Variants in INVS observed in about 807,000 individuals in gnomAD.
INVS encodes inversin.
Under a neutral mutation model 108.8 loss-of-function variants are expected in INVS, and 86 were observed. The observed-to-expected ratio is 0.79, with a 90% CI of 0.66 to 0.95. The LOEUF is 0.95. Among genes scored for constraint, INVS ranks in the 40% least tolerant of loss-of-function variants. The pLI is 0.00. For synonymous variants in INVS, 455 were observed against 473.5 expected (o/e 0.96, Z 0.51); for missense variants, 1,169 against 1,297.4 (o/e 0.90, Z 1.52).
chr9:100,292,861 C>T lies in INVS; in HGVS notation c.2604C>T (p.Ser868=), dbSNP rs751765105. The part of the protein sequence containing the change: ...GARRLETSTL[S]EDFQVSKETD... ...GGAGGCTGGAGACATCTACCCTGTC[C>T]GAGGACTTTCAGGTATCTAAGGAGA... The change falls in exon 14 of 17, where the codon TCC becomes TCT. Residue 868 remains serine, a synonymous_variant. Coordinates refer to ENST00000262457, the MANE Select transcript of INVS (RefSeq NM_014425.5). 68 of 1,614,022 alleles carry T rather than the reference C, an allele frequency of 4.2e-5. 1 individual carries two copies. The Admixed American group carries it at 9.2e-4, about 22-fold the overall frequency.
At chr9:100,251,611 G>T (rs1207632738) in intron 8 of INVS, among the ~76,000 whole-genome samples, 1 of 152,068 alleles carries the variant, frequency 6.6e-6, no homozygotes, top group Non-Finnish European at 1.5e-5. Flanking sequence ...TCTCCAGACT[G>T]GTCTAGACCT....
rs917024969 is a variant in INVS, at chr9:100,277,095, A to G, written c.1784+4019A>G. On this transcript the variant is annotated intron_variant, in intron 12 of 16. Coordinates refer to ENST00000262457, the MANE Select transcript of INVS (RefSeq NM_014425.5). The stretch of plus-strand genomic sequence containing the variant: ...TACGAGAGATTGTTCTGTGTCCCCA[A>G]AAAGTCAAGTGCAAGAAGTCCTGTA... 2.3e-4 allele frequency among the ~76,000 whole-genome samples: 35 copies of G among 152,226 alleles called. 1 individual carries two copies. Among genetic ancestry groups the G allele is most frequent in the African/African-American group, 4.8e-5 (2 of 41,462 alleles).
At chr9:100,270,456 A>G (rs1414980899) in intron 11 of INVS, among the ~76,000 whole-genome samples, 1 of 152,020 alleles carries the variant, frequency 6.6e-6, no homozygotes, top group East Asian at 1.9e-4. Context: ...ACAAAAATAC[A>G]AAAACTGGCC....
chr9:100,212,602 T>G (rs1830865935), intron 3 of INVS, among the ~76,000 whole-genome samples: 1 of 152,166 alleles, frequency 6.6e-6, no homozygotes, highest in Non-Finnish European at 1.5e-5. Flanking sequence ...TCCCTAACCC[T>G]ATTTTTTTCT....
intron 3 of INVS, among the ~76,000 whole-genome samples, chr9:100,134,146 C>T (rs1336330385): frequency 1.3e-5 from 2 of 152,084 alleles, no homozygotes; most frequent in Admixed American, 1.3e-4. Flanking sequence ...TAGGCCTTTG[C>T]ATCCTCATAG....
intron 3 of INVS, among the ~76,000 whole-genome samples, chr9:100,171,756 A>G (rs546782712): frequency 2.0e-5 from 3 of 152,224 alleles, no homozygotes; most frequent in Non-Finnish European, 4.4e-5. Flanking sequence ...CTCTTGACAA[A>G]ATTGGTACAT....
chr9:100,180,801 C>T (rs1223632238), intron 3 of INVS, among the ~76,000 whole-genome samples: 2 of 152,252 alleles, frequency 1.3e-5, no homozygotes, highest in South Asian at 4.2e-4. Flanking sequence ...CATCCTGACA[C>T]CAAAACCTGG....
intron 3 of INVS, among the ~76,000 whole-genome samples, chr9:100,176,751 C>T (rs1829725099): frequency 6.6e-6 from 1 of 152,146 alleles, no homozygotes; most frequent in Non-Finnish European, 1.5e-5. Context: ...GCTAGGATTA[C>T]ACCATGAGCC....
At chr9:100,202,504 A>G (rs1014155297) in intron 3 of INVS, among the ~76,000 whole-genome samples, 1 of 152,182 alleles carries the variant, frequency 6.6e-6, no homozygotes, top group Non-Finnish European at 1.5e-5. Context: ...CCTGTTATAC[A>G]AATTTCTTTA....
intron 12 of INVS, among the ~76,000 whole-genome samples, chr9:100,274,537 C>T (rs907277887): frequency 7.9e-5 from 12 of 152,184 alleles, no homozygotes; most frequent in Admixed American, 1.3e-4. Flanking sequence ...GACAGTCTCT[C>T]GCTGTCACTC....
At chr9:100,267,078 T>G (rs1832818790) in intron 11 of INVS, among the ~76,000 whole-genome samples, 1 of 151,260 alleles carries the variant, frequency 6.6e-6, no homozygotes. Context: ...AGTGATGACT[T>G]GTTTTGTTTC....
intron 3 of INVS, among the ~76,000 whole-genome samples, chr9:100,173,152 G>A (rs10988991): frequency 2.0e-5 from 3 of 152,308 alleles, no homozygotes; most frequent in South Asian, 2.1e-4. Context: ...AAATGGTGTA[G>A]TAGCTCCTAT....
At chr9:100,148,534 C>T (rs907207400) in intron 3 of INVS, among the ~76,000 whole-genome samples, 6 of 152,072 alleles carry the variant, frequency 3.9e-5, no homozygotes, top group East Asian at 1.9e-4. Flanking sequence ...CCATAGGCAA[C>T]AAGCACCAGA....
chr9:100,154,502 T>C (rs1402005202), intron 3 of INVS, among the ~76,000 whole-genome samples: 1 of 151,896 alleles, frequency 6.6e-6, no homozygotes, highest in Non-Finnish European at 1.5e-5. Context: ...GAGAGCTGGC[T>C]ACATAAAAAG....
At chr9:100,177,115 A>G (rs1829740395) in intron 3 of INVS, among the ~76,000 whole-genome samples, 1 of 152,028 alleles carries the variant, frequency 6.6e-6, no homozygotes, top group Non-Finnish European at 1.5e-5. Context: ...TTTTCCCACA[A>G]TCTTTGCAAC....
rs139355853 is a variant in INVS at position 100,171,385 on chromosome 9, T to G, written c.273+44836T>G. ...TATACCATATAGCCTAGGTGTGTAA[T>G]AAGTTATAACATCTAGGTTTGTGTA... On this transcript the variant is annotated intron_variant, in intron 3 of 16. Transcript: ENST00000262457. Among the ~76,000 whole-genome samples, 358 of 152,292 alleles carry G rather than the reference T, an allele frequency of 2.4e-3. 1 individual carries two copies. The highest frequency in any genetic ancestry group is 8.3e-3 in the African/African-American group (345 of 41,560).
chr9:100,100,895 T>TA (rs1564112128), intron 1 of INVS, among the ~76,000 whole-genome samples: 2 of 39,578 alleles, frequency 5.1e-5, no homozygotes, highest in Non-Finnish European at 8.2e-5. Flanking sequence ...ATAATATATA[T>TA]TATATATGTA....
chr9:100,294,286 G>A (rs1047473353), intron 14 of INVS, among the ~76,000 whole-genome samples: 5 of 152,134 alleles, frequency 3.3e-5, no homozygotes, highest in Admixed American at 1.3e-4. Context: ...CGAGGTTCCC[G>A]TCAGGAGAAA....
At position 100,278,663 on chromosome 9, in the gene INVS, TA is replaced by T. The variant is rs1386232713; in HGVS notation, c.1784+5588del. Among the ~76,000 whole-genome samples, 8 of 152,344 alleles carry T rather than the reference TA, an allele frequency of 5.3e-5. No individual in the cohort carries two copies. In the East Asian group the frequency reaches 1.3e-3, roughly 26 times the overall value. On this transcript the variant is annotated intron_variant, in intron 12 of 16. Transcript: ENST00000262457. ...ATAAGCCATTGATCACTGTAGGCCTTAGTTTCCCCATCTGTCAAACGGAAGG... is the reference window on the plus strand; with the variant it reads ...ATAAGCCATTGATCACTGTAGGCCTTGTTTCCCCATCTGTCAAACGGAAGG...
Sources: allele counts gnomAD v4.1 joint callset (sites outside exome capture counted in the v4.1 genomes callset), GRCh38; gene constraint gnomAD v4.1.1; transcripts MANE v1.5; gene names NCBI Gene and HGNC (gene_info 2026-07-23, HGNC 2026-07-21).